XXYLT1: variants seen among roughly 807,000 people sequenced by gnomAD.
The protein encoded by XXYLT1 is xyloside xylosyltransferase 1.
Under a neutral mutation model 28.9 loss-of-function variants are expected in XXYLT1, and 20 were observed. The observed-to-expected ratio is 0.69, with a 90% CI of 0.49 to 1.00. The LOEUF (loss-of-function observed/expected upper bound fraction) is 1.00. XXYLT1 is among the 50% of genes least tolerant of loss of function. XXYLT1 has a pLI of 0.00. For synonymous variants in XXYLT1, 257 were observed against 253.8 expected, an observed-to-expected ratio of 1.01 and a Z score of -0.12; for missense variants, 542 against 560.1, an observed-to-expected ratio of 0.97 and a Z score of 0.33.
intron 2 of XXYLT1, among the ~76,000 whole-genome samples, chr3:195,201,898 G>A (rs1300854831): frequency 6.6e-6 from 1 of 152,178 alleles, no homozygotes; most frequent in African/African-American, 2.4e-5. Context: ...ACTAGACAGG[G>A]CCGGGCGCGG....
intron 1 of XXYLT1, among the ~76,000 whole-genome samples, chr3:195,233,743 T>C (rs1305680033): frequency 6.6e-6 from 1 of 152,226 alleles, no homozygotes; most frequent in African/African-American, 2.4e-5. Context: ...GATTGGTTTA[T>C]CTTTTCATCT....
intron 2 of XXYLT1, among the ~76,000 whole-genome samples, chr3:195,212,014 G>A (rs1723337077): frequency 6.7e-6 from 1 of 148,754 alleles, no homozygotes; most frequent in African/African-American, 2.5e-5. Flanking sequence ...AGGAAGATCT[G>A]GAGGAGGAGA....
Position 195,255,198 on chromosome 3 carries a change from C to T in XXYLT1, c.504+15357G>A, listed in dbSNP as rs375080821. Among the ~76,000 whole-genome samples the T allele has an allele frequency of 6.6e-6, 1 of 152,220 alleles. No individual in the cohort carries two copies. The highest frequency in any genetic ancestry group is 1.5e-5 in the Non-Finnish European group (1 of 68,036). ...AGTCGGACTAAACCAGCAGAAAAGGCGGTTTCCGAGTACCATGCTCGCACA... is the reference window on the plus strand; with the variant it reads ...AGTCGGACTAAACCAGCAGAAAAGGTGGTTTCCGAGTACCATGCTCGCACA... On this transcript the variant is annotated intron_variant, in intron 1 of 3. Transcript: ENST00000310380. This position sits in a 1 kb window ranked among gnomAD's most constrained non-coding sequence, Gnocchi z 4.5.
chr3:195,151,261 G>A (rs1720227866), intron 3 of XXYLT1, among the ~76,000 whole-genome samples: 1 of 152,144 alleles, frequency 6.6e-6, no homozygotes, highest in Non-Finnish European at 1.5e-5. Flanking sequence ...TTAAATTTCA[G>A]GGTCAGGTGT....
chr3:195,083,707 G>A (rs894172542), intron 3 of XXYLT1, among the ~76,000 whole-genome samples: 1 of 152,060 alleles, frequency 6.6e-6, no homozygotes, highest in East Asian at 1.9e-4. Context: ...TCCATTTTAC[G>A]GACGAGGAAA....
intron 1 of XXYLT1, among the ~76,000 whole-genome samples, chr3:195,251,527 G>C (rs1281942939): frequency 6.6e-6 from 1 of 152,178 alleles, no homozygotes; most frequent in Non-Finnish European, 1.5e-5. Flanking sequence ...AGACTTCAGT[G>C]AGGGGCTGCT....
chr3:195,142,831 A>G (rs1719564997), intron 3 of XXYLT1, among the ~76,000 whole-genome samples: 1 of 152,202 alleles, frequency 6.6e-6, no homozygotes, highest in Non-Finnish European at 1.5e-5. Flanking sequence ...TATACCTGCC[A>G]CATCACGCCC....
Position 195,156,652 on chromosome 3 carries a change from G to A in XXYLT1, c.653-71C>T, listed in dbSNP as rs78083606. On this transcript the variant is annotated intron_variant, in intron 2 of 3. Transcript: ENST00000310380. ...GGAGGCTCGGCCACGGACAGAAAAT[G>A]AAGTGGAGGGCAGAGAAAAGGGCAC... is the stretch of plus-strand genomic sequence containing the variant. 2.4e-3 allele frequency: 3,846 copies of A among 1,574,168 alleles called. 85 individuals are homozygous for A. The African/African-American group carries it at 0.046, about 19-fold the overall frequency.
rs1715216849 is a variant in XXYLT1 at position 195,077,931 on chromosome 3, T to C, written c.786-7820A>G. Among the ~76,000 whole-genome samples, 1 of 152,116 alleles carries C rather than the reference T, an allele frequency of 6.6e-6. No individual in the cohort carries two copies. The highest frequency in any genetic ancestry group is 1.5e-5 in the Non-Finnish European group (1 of 68,000). On this transcript the variant is annotated intron_variant, in intron 3 of 3. Transcript: ENST00000310380. This position sits in a 1 kb window ranked among gnomAD's most constrained non-coding sequence, Gnocchi z 4.8. ...GACCTTCCCCCAGCATCTGCAGCCC[T>C]GGAGCTGTAAAAACAGATGGGCAGG... is the stretch of plus-strand genomic sequence containing the variant.
intron 2 of XXYLT1, among the ~76,000 whole-genome samples, chr3:195,177,876 A>G (rs1394410623): frequency 1.3e-5 from 2 of 150,928 alleles, no homozygotes; most frequent in African/African-American, 2.5e-5. Flanking sequence ...TGGAAGTTAC[A>G]GTGAGCTGTG....
chr3:195,256,273 T>C lies in XXYLT1; in HGVS notation c.504+14282A>G, dbSNP rs540978611. 4.6e-5 allele frequency among the ~76,000 whole-genome samples: 7 copies of C among 152,144 alleles called. No homozygotes were observed. The highest frequency in any genetic ancestry group is 6.5e-5 in the Admixed American group (1 of 15,296). ...CAGGCCTGGCTGCTCCAAGGTTAAA[T>C]GAGGGAGGAAAAGCAGGATCCAGCA... On this transcript the variant is annotated intron_variant, in intron 1 of 3. Transcript: ENST00000310380. The surrounding 1 kb of genome is among the most constrained non-coding windows in gnomAD (Gnocchi z 4.2).
intron 1 of XXYLT1, among the ~76,000 whole-genome samples, chr3:195,239,923 AG>A (rs1196741812): frequency 6.6e-6 from 1 of 152,216 alleles, no homozygotes; most frequent in Non-Finnish European, 1.5e-5. Flanking sequence ...TTCTCAAAGT[AG>A]GGTTCTTCAC....
At position 195,088,114 on chromosome 3, in the gene XXYLT1, G is replaced by A. The variant is rs1268620592; in HGVS notation, c.786-18003C>T. Among the ~76,000 whole-genome samples, 118 of 151,612 alleles carry A rather than the reference G, an allele frequency of 7.8e-4. 2 individuals carry two copies. The Middle Eastern group carries it at 0.01, about 13-fold the overall frequency. ...GTGGCAGCGAGGCTGGGGGAGGGGCGCCCGCCATTGCCCAGGCTTGATTAG... is the reference window on the plus strand; with the variant it reads ...GTGGCAGCGAGGCTGGGGGAGGGGCACCCGCCATTGCCCAGGCTTGATTAG... On this transcript the variant is annotated intron_variant, in intron 3 of 3. Coordinates refer to ENST00000310380, the MANE Select transcript of XXYLT1 (RefSeq NM_152531.5).
chr3:195,218,855 C>T (rs1723693857), intron 2 of XXYLT1, among the ~76,000 whole-genome samples: 1 of 152,086 alleles, frequency 6.6e-6, no homozygotes. Context: ...GCTATAAAGA[C>T]ACACGCACCC....
rs1486514255 is a variant in XXYLT1, at chr3:195,180,098, GT to G, written c.653-23518del. ...TCTCTGAGCGGCCCCAAGCAGTGGG[GT>G]TCTGGCAGAGCACCGCTGACCCGTC... is the stretch of plus-strand genomic sequence containing the variant. On this transcript the variant is annotated intron_variant, in intron 2 of 3. Transcript: ENST00000310380. This position sits in a 1 kb window ranked among gnomAD's most constrained non-coding sequence, Gnocchi z 5.8. 7.9e-5 allele frequency among the ~76,000 whole-genome samples: 12 copies of G among 152,336 alleles called. No homozygotes were observed. The highest frequency in any genetic ancestry group is 2.9e-4 in the African/African-American group (12 of 41,574).
At position 195,269,014 on chromosome 3, in the gene XXYLT1, G is replaced by A. The variant is rs150283334; in HGVS notation, c.504+1541C>T. On this transcript the variant is annotated intron_variant, in intron 1 of 3. Coordinates refer to ENST00000310380, the MANE Select transcript of XXYLT1 (RefSeq NM_152531.5). Reference sequence around the variant, plus strand: ...AGGAGGGGATGGTATCTGAAGATGGGCAAGACTTGGAGATGGAGAGAAGGA... The same window carrying A: ...AGGAGGGGATGGTATCTGAAGATGGACAAGACTTGGAGATGGAGAGAAGGA... Among the ~76,000 whole-genome samples, 354 of 152,324 alleles carry A rather than the reference G, an allele frequency of 2.3e-3. 1 individual carries two copies. The highest frequency in any genetic ancestry group is 8.1e-3 in the African/African-American group (336 of 41,572).
rs36057483 is a variant in XXYLT1, at chr3:195,087,244, G to A, written c.786-17133C>T. Reference sequence around the variant, plus strand: ...CGTGTGGCCCTGGAGCTCCTCTTCCGCCCTCTTCCCGTTTGTACCCACTCT... The same window carrying A: ...CGTGTGGCCCTGGAGCTCCTCTTCCACCCTCTTCCCGTTTGTACCCACTCT... On this transcript the variant is annotated intron_variant, in intron 3 of 3. Coordinates refer to ENST00000310380, the MANE Select transcript of XXYLT1 (RefSeq NM_152531.5). 4.9e-3 allele frequency: 753 copies of A among 152,440 alleles called. 4 individuals are homozygous for A. Among genetic ancestry groups the A allele is most frequent in the Middle Eastern group, 0.01 (3 of 296 alleles). The allele number at this position is 152,440 out of a possible 1,614,324, so 9.4% of individuals were successfully genotyped here.
At chr3:195,075,716 G>T (rs1310321494) in intron 3 of XXYLT1, among the ~76,000 whole-genome samples, 2 of 152,224 alleles carry the variant, frequency 1.3e-5, no homozygotes, top group Non-Finnish European at 2.9e-5. Flanking sequence ...ACACTAAGCA[G>T]GTGGCAGGCA....
intron 2 of XXYLT1, among the ~76,000 whole-genome samples, chr3:195,225,772 T>C (rs1036125470): frequency 7.2e-5 from 11 of 152,118 alleles, no homozygotes; most frequent in African/African-American, 2.7e-4. Context: ...GGGGCAGTTA[T>C]CCTCATGCTG....
Sources: gnomAD v4.1 joint callset for allele counts (sites outside exome capture counted in the v4.1 genomes callset) on GRCh38, gnomAD v4.1.1 for gene constraint, Gnocchi (gnomAD v3.1) non-coding constraint, MANE v1.5 for transcripts, NCBI Gene and HGNC (gene_info 2026-07-23, HGNC 2026-07-21) for gene names.